PTPRD: variants seen among roughly 807,000 people sequenced by gnomAD.
The protein encoded by PTPRD is protein tyrosine phosphatase receptor type D.
PTPRD carries 34 observed loss-of-function variants against 214.5 expected under a neutral mutation model. The ratio of observed to expected loss-of-function variants is 0.16; its 90% CI spans 0.12 to 0.21. The LOEUF (loss-of-function observed/expected upper bound fraction) is 0.21. Ranked by LOEUF, PTPRD falls within the 10% of genes least tolerant of loss-of-function variation. The pLI, the probability that PTPRD is intolerant of heterozygous loss-of-function variation, is 1.00. For synonymous variants in PTPRD, 1,128 were observed against 845.7 expected, an observed-to-expected ratio of 1.33 and a Z score of -5.79; for missense variants, 2,545 against 2,398.7, an observed-to-expected ratio of 1.06 and a Z score of -1.27.
chr9:9,929,684 G>T (rs142252024), intron 5 of PTPRD, among the ~76,000 whole-genome samples: 29 of 152,136 alleles, frequency 1.9e-4, no homozygotes, highest in Non-Finnish European at 4.0e-4. Context: ...AAGCCACAGC[G>T]CCTGGCCAAG....
At chr9:9,955,072 A>G (rs1284578768) in intron 4 of PTPRD, among the ~76,000 whole-genome samples, 1 of 152,210 alleles carries the variant, frequency 6.6e-6, no homozygotes, top group African/African-American at 2.4e-5. Context: ...AGTGAAGTAA[A>G]GAATGAAGAA....
At chr9:8,488,505 G>A (rs1320676354) in intron 27 of PTPRD, among the ~76,000 whole-genome samples, 2 of 152,134 alleles carry the variant, frequency 1.3e-5, no homozygotes, top group Non-Finnish European at 2.9e-5. Flanking sequence ...GTGTGTTGAA[G>A]GTAGGCCCAG....
At chr9:8,529,007 T>C (rs1429779222) in intron 14 of PTPRD, among the ~76,000 whole-genome samples, 1 of 151,972 alleles carries the variant, frequency 6.6e-6, no homozygotes, top group Non-Finnish European at 1.5e-5. Flanking sequence ...GGGCCGACTA[T>C]GATGAGGGGA....
intron 2 of PTPRD, among the ~76,000 whole-genome samples, chr9:10,420,188 G>C (rs1476075346): frequency 6.6e-6 from 1 of 151,732 alleles, no homozygotes; most frequent in African/African-American, 2.4e-5. Flanking sequence ...TATGTGTCAA[G>C]AATTCTTCTA....
intron 4 of PTPRD, among the ~76,000 whole-genome samples, chr9:10,019,322 G>A (rs1216588690): frequency 6.6e-6 from 1 of 152,182 alleles, no homozygotes; most frequent in Non-Finnish European, 1.5e-5. Flanking sequence ...CTTTTACACT[G>A]TTGGTGGGAC....
chr9:9,784,704 G>A (rs979359118), intron 5 of PTPRD, among the ~76,000 whole-genome samples: 2 of 151,666 alleles, frequency 1.3e-5, no homozygotes, highest in Non-Finnish European at 2.9e-5. Flanking sequence ...CTTAAAATCT[G>A]AAGTGAAGTC....
At chr9:10,195,116 T>C (rs993884283) in intron 3 of PTPRD, among the ~76,000 whole-genome samples, 13 of 146,902 alleles carry the variant, frequency 8.8e-5, no homozygotes, top group Middle Eastern at 3.4e-3. Context: ...TTTTTTTTTT[T>C]TTTTTGTATT....
At chr9:9,245,363 C>G (rs1265324808) in intron 9 of PTPRD, among the ~76,000 whole-genome samples, 1 of 152,060 alleles carries the variant, frequency 6.6e-6, no homozygotes. Flanking sequence ...AGACTTGGAA[C>G]CAACCCAAAT....
At chr9:8,563,498 C>T (rs4742519) in intron 14 of PTPRD, among the ~76,000 whole-genome samples, 4,211 of 145,358 alleles carry the variant, frequency 0.029, 147 homozygotes, top group East Asian at 0.11. Flanking sequence ...AGTGCAGTGG[C>T]GCAATCTTGG....
chr9:8,736,719 C>T (rs1238540786), intron 11 of PTPRD, among the ~76,000 whole-genome samples: 1 of 148,500 alleles, frequency 6.7e-6, no homozygotes, highest in Non-Finnish European at 1.5e-5. Flanking sequence ...TTTTTTTAAA[C>T]AGTGGGTTGG....
chr9:8,890,106 G>A (rs2098525989), intron 11 of PTPRD, among the ~76,000 whole-genome samples: 1 of 152,062 alleles, frequency 6.6e-6, no homozygotes, highest in Admixed American at 6.5e-5. Context: ...TTTTCACAGT[G>A]CCTATATTTG....
chr9:9,384,071 T>G (rs1174511749), intron 9 of PTPRD, among the ~76,000 whole-genome samples: 1 of 151,772 alleles, frequency 6.6e-6, no homozygotes, highest in African/African-American at 2.4e-5. Flanking sequence ...TTACTAATTA[T>G]ATTGAATTCA....
At chr9:9,256,828 G>A (rs1423807114) in intron 9 of PTPRD, among the ~76,000 whole-genome samples, 2 of 151,858 alleles carry the variant, frequency 1.3e-5, no homozygotes, top group Non-Finnish European at 2.9e-5. Context: ...CTGCCTCTCT[G>A]CTTATAAGAA....
chr9:8,346,929 C>T (rs1200684420), intron 39 of PTPRD, among the ~76,000 whole-genome samples: 3 of 152,046 alleles, frequency 2.0e-5, no homozygotes, highest in South Asian at 4.1e-4. Flanking sequence ...GCAAAAGCTA[C>T]GGCCACAGTA....
intron 6 of PTPRD, among the ~76,000 whole-genome samples, chr9:9,760,287 T>C (rs1361420329): frequency 6.6e-6 from 1 of 152,182 alleles, no homozygotes. Context: ...TGGTAGTATT[T>C]AAGGTGTATG....
intron 2 of PTPRD, 122 bp downstream of exon 2, chr9:10,612,276 T>G (rs561006872): frequency 6.6e-6 from 1 of 150,500 alleles, no homozygotes; most frequent in African/African-American, 2.4e-5. Context: ...TGAAGTTATA[T>G]AAGTCAAGTT....
intron 2 of PTPRD, among the ~76,000 whole-genome samples, chr9:10,529,601 G>A (rs2055528976): frequency 6.6e-6 from 1 of 151,642 alleles, no homozygotes; most frequent in Non-Finnish European, 1.5e-5. Context: ...ATAGCATTAG[G>A]AGAAATACCT....
chr9:9,815,693 A>G (rs942889492), intron 5 of PTPRD, among the ~76,000 whole-genome samples: 3 of 152,070 alleles, frequency 2.0e-5, no homozygotes, highest in Non-Finnish European at 2.9e-5. Flanking sequence ...GGAATCTAAA[A>G]AGTCGAACTC....
intron 11 of PTPRD, among the ~76,000 whole-genome samples, chr9:8,775,730 T>A (rs1294472033): frequency 1.3e-5 from 2 of 152,008 alleles, no homozygotes; most frequent in African/African-American, 2.4e-5. Flanking sequence ...ACACCTGTAA[T>A]CCCAGCACTT....
Sources: allele counts gnomAD v4.1 joint callset (sites outside exome capture counted in the v4.1 genomes callset), GRCh38; gene constraint gnomAD v4.1.1; transcripts MANE v1.5; gene names NCBI Gene and HGNC (gene_info 2026-07-23, HGNC 2026-07-21).